GRM8: variants seen among roughly 807,000 people sequenced by gnomAD.
GRM8 encodes glutamate metabotropic receptor 8.
GRM8 carries 47 observed loss-of-function variants against 87.2 expected under a neutral mutation model. That is an observed-to-expected ratio of 0.54 (90% CI 0.43 to 0.69). The LOEUF is 0.69. GRM8 is among the 30% of genes least tolerant of loss of function. The pLI is 0.00. For missense variants in GRM8, 1,019 were observed against 1,139.2 expected (o/e 0.89, Z 1.52); for synonymous variants, 396 against 404.5 (o/e 0.98, Z 0.25).
intron 6 of GRM8, among the ~76,000 whole-genome samples, chr7:126,891,780 C>G (rs1801033908): frequency 6.6e-6 from 1 of 152,000 alleles, no homozygotes; most frequent in Non-Finnish European, 1.5e-5. Context: ...TATTCACCTT[C>G]CCAATTAGAC....
intron 7 of GRM8, among the ~76,000 whole-genome samples, chr7:126,634,457 C>T (rs963694416): frequency 6.6e-6 from 1 of 152,126 alleles, no homozygotes; most frequent in Non-Finnish European, 1.5e-5. Flanking sequence ...TGGTTTCTCA[C>T]TTTCCTTGTT....
At chr7:126,656,825 A>C (rs1241556318) in intron 7 of GRM8, among the ~76,000 whole-genome samples, 7 of 152,200 alleles carry the variant, frequency 4.6e-5, no homozygotes, top group African/African-American at 1.7e-4. Flanking sequence ...AATAATAATA[A>C]TAAAAAGTTA....
intron 9 of GRM8, among the ~76,000 whole-genome samples, chr7:126,478,202 T>C (rs558471463): frequency 6.6e-6 from 1 of 152,278 alleles, no homozygotes; most frequent in South Asian, 2.1e-4. Flanking sequence ...CACACAACAA[T>C]TATTAATCTC....
intron 3 of GRM8, among the ~76,000 whole-genome samples, chr7:126,989,530 T>C (rs982249349): frequency 6.6e-6 from 1 of 152,222 alleles, no homozygotes; most frequent in African/African-American, 2.4e-5. Flanking sequence ...CACTAAATCC[T>C]AAACTAGAGC....
intron 3 of GRM8, among the ~76,000 whole-genome samples, chr7:126,905,876 A>C (rs1416655748): frequency 6.6e-6 from 1 of 152,226 alleles, no homozygotes; most frequent in African/African-American, 2.4e-5. Flanking sequence ...CAAAAGTGGA[A>C]CATGTCTGGT....
intron 3 of GRM8, among the ~76,000 whole-genome samples, chr7:127,013,303 T>C (rs1391891726): frequency 6.6e-6 from 1 of 152,086 alleles, no homozygotes; most frequent in Non-Finnish European, 1.5e-5. Flanking sequence ...TTTTCTACAG[T>C]GAACATAAAC....
chr7:126,896,330 G>C (rs1166189478), intron 6 of GRM8, among the ~76,000 whole-genome samples: 1 of 151,904 alleles, frequency 6.6e-6, no homozygotes, highest in Non-Finnish European at 1.5e-5. Flanking sequence ...ATGGCTACCT[G>C]GTAGTGCTCA....
intron 3 of GRM8, among the ~76,000 whole-genome samples, chr7:126,913,872 C>T (rs1234634737): frequency 1.3e-5 from 2 of 152,232 alleles, no homozygotes; most frequent in African/African-American, 2.4e-5. Context: ...TTATCTCACA[C>T]ATCACTGTAA....
chr7:126,493,687 C>T (rs1002981976), intron 9 of GRM8, among the ~76,000 whole-genome samples: 2 of 152,022 alleles, frequency 1.3e-5, no homozygotes, highest in African/African-American at 2.4e-5. Flanking sequence ...GTGACCTTGA[C>T]AGAGTCCCTG....
chr7:126,661,037 G>T (rs1805106366), intron 7 of GRM8, among the ~76,000 whole-genome samples: 1 of 152,104 alleles, frequency 6.6e-6, no homozygotes. Flanking sequence ...AGAGGAGGTG[G>T]GGATGGTTAA....
intron 6 of GRM8, among the ~76,000 whole-genome samples, chr7:126,808,005 A>G (rs1467204451): frequency 6.6e-6 from 1 of 152,180 alleles, no homozygotes; most frequent in Non-Finnish European, 1.5e-5. Context: ...AATAAACCTC[A>G]GGGTAGAAAA....
chr7:127,244,728 T>G (rs1451113622), intron 1 of GRM8, among the ~76,000 whole-genome samples: 1 of 152,190 alleles, frequency 6.6e-6, no homozygotes, highest in Non-Finnish European at 1.5e-5. Context: ...TTATCCTTCT[T>G]GCCCCGAAAG....
At chr7:127,033,233 G>A (rs1440742386) in intron 3 of GRM8, among the ~76,000 whole-genome samples, 1 of 151,660 alleles carries the variant, frequency 6.6e-6, no homozygotes, top group Non-Finnish European at 1.5e-5. Flanking sequence ...TAATCAGATT[G>A]AATAGCAATA....
intron 6 of GRM8, among the ~76,000 whole-genome samples, chr7:126,892,288 C>T (rs534054639): frequency 1.3e-5 from 2 of 152,118 alleles, no homozygotes; most frequent in Non-Finnish European, 1.5e-5. Flanking sequence ...TGCTATCCCT[C>T]CCCAAACCCC....
rs185413095 is a variant in GRM8, at chr7:127,026,693, T to G, written c.727+79803A>C. The stretch of plus-strand genomic sequence containing the variant: ...TATCCTTTGCCCACTTTTTGATGGT[T>G]TTTTCTTGTAAATTTGTTTAAGTTC... On this transcript the variant is annotated intron_variant, in intron 3 of 10. Coordinates refer to ENST00000339582, the MANE Select transcript of GRM8 (RefSeq NM_000845.3). Among the ~76,000 whole-genome samples, 99 of 150,826 alleles carry G rather than the reference T, an allele frequency of 6.6e-4. No homozygotes were observed. The East Asian group carries it at 0.019, about 29-fold the overall frequency.
At chr7:127,054,653 C>G (rs1019424036) in intron 3 of GRM8, among the ~76,000 whole-genome samples, 9 of 152,130 alleles carry the variant, frequency 5.9e-5, no homozygotes, top group Admixed American at 5.9e-4. Flanking sequence ...AGAACCTCAA[C>G]CTGGAAAAAG....
intron 3 of GRM8, among the ~76,000 whole-genome samples, chr7:127,072,130 T>C (rs1821754388): frequency 1.3e-5 from 2 of 152,002 alleles, no homozygotes; most frequent in East Asian, 1.9e-4. Flanking sequence ...CTGTGTAATA[T>C]ATCGTGTTTC....
At chr7:126,637,553 T>C (rs1240853246) in intron 7 of GRM8, among the ~76,000 whole-genome samples, 1 of 152,148 alleles carries the variant, frequency 6.6e-6, no homozygotes, top group African/African-American at 2.4e-5. Context: ...AATACAAAAA[T>C]GGCTTAGACA....
At chr7:126,633,773 T>TTTATATGTACCATATAAATA (rs201896329) in intron 7 of GRM8, among the ~76,000 whole-genome samples, 3 of 151,972 alleles carry the variant, frequency 2.0e-5, no homozygotes, top group Non-Finnish European at 4.4e-5. Context: ...TATTAATCTA[T>TTTATATGTACCATATAAATA]TTATATGTAC....
Sources: gnomAD v4.1 joint callset for allele counts (sites outside exome capture counted in the v4.1 genomes callset) on GRCh38, gnomAD v4.1.1 for gene constraint, MANE v1.5 for transcripts, NCBI Gene and HGNC (gene_info 2026-07-23, HGNC 2026-07-21) for gene names.